KIAA0319: variants seen among roughly 807,000 people sequenced by gnomAD.
KIAA0319 encodes dyslexia-associated protein KIAA0319.
A neutral mutation model predicts 108.4 loss-of-function variants in KIAA0319; 83 were observed. That is an observed-to-expected ratio of 0.77 (90% confidence interval 0.64 to 0.92). The LOEUF is 0.92. Among genes scored for constraint, KIAA0319 ranks in the 40% least tolerant of loss-of-function variants. KIAA0319 has a pLI of 0.00. For synonymous variants in KIAA0319, 484 were observed against 510.4 expected, an observed-to-expected ratio of 0.95 and a Z score of 0.70; for missense variants, 1,195 against 1,322.4, an observed-to-expected ratio of 0.90 and a Z score of 1.49.
At chr6:24,587,549 G>A (rs958845994) in intron 4 of KIAA0319, among the ~76,000 whole-genome samples, 2 of 151,794 alleles carry the variant, frequency 1.3e-5, no homozygotes, top group East Asian at 3.9e-4. Context: ...CAAAGTGCTG[G>A]GATTACAGGC....
Position 24,566,634 on chromosome 6 carries a change from T to G in KIAA0319, c.2255A>C (p.Tyr752Ser), listed in dbSNP as rs773451159. 1 of 1,612,762 alleles carries G rather than the reference T, an allele frequency of 6.2e-7. No homozygotes were observed. The highest frequency in any genetic ancestry group is 1.7e-5 in the Admixed American group (1 of 59,786). The change falls in exon 14 of 21, where the codon TAT becomes TCT. Residue 752 changes from tyrosine (Y) to serine (S), a missense_variant. Physicochemically the swap from Tyr to Ser is moderately radical, Grantham distance 144 (BLOSUM62 -2). Coordinates refer to ENST00000378214, the MANE Select transcript of KIAA0319 (RefSeq NM_014809.4). ...ACTCTGGCCATCCCGGATCCACAGA[T>G]AGGACACAATTCTTTGGTCATCAGT... ...RSTDDQRIVS[Y>S]LWIRDGQSPA...
chr6:24,561,826 T>G (rs567224387), intron 16 of KIAA0319, among the ~76,000 whole-genome samples: 1 of 152,188 alleles, frequency 6.6e-6, no homozygotes, highest in South Asian at 2.1e-4. Context: ...CCTCAGCCTC[T>G]TGAGTAGCTG....
chr6:24,580,028 T>TA, intron 7 of KIAA0319, 78 bp from the exon 8 acceptor site: 1 of 1,120,486 alleles, frequency 8.9e-7, no homozygotes. Flanking sequence ...TCATCTACTT[T>TA]AAAAAATTGA....
At chr6:24,575,231 G>A (rs1209362987) in intron 10 of KIAA0319, among the ~76,000 whole-genome samples, 1 of 152,172 alleles carries the variant, frequency 6.6e-6, no homozygotes, top group Non-Finnish European at 1.5e-5. Context: ...TCTGGCAACT[G>A]GGCTGGTGTG....
chr6:24,582,500 A>T (rs547670618), intron 5 of KIAA0319, among the ~76,000 whole-genome samples, 154 bp from the exon 6 acceptor site: 9 of 148,812 alleles, frequency 6.0e-5, no homozygotes, highest in East Asian at 3.9e-4. Context: ...TTATATATAT[A>T]TTTTTTGTTT....
intron 7 of KIAA0319, among the ~76,000 whole-genome samples, chr6:24,580,611 G>A (rs2076315): frequency 0.012 from 1,864 of 152,302 alleles, 37 homozygotes; most frequent in African/African-American, 0.038. Context: ...TGCTTCGAAG[G>A]TGAAGCTGAA....
intron 2 of KIAA0319, chr6:24,598,877 T>TAA: frequency 1.3e-5 from 4 of 300,526 alleles, no homozygotes; most frequent in Admixed American, 4.1e-5. Flanking sequence ...AGACTGCATT[T>TAA]AAAAAAAAAA....
chr6:24,593,548 A>C (rs1768874414), intron 3 of KIAA0319, among the ~76,000 whole-genome samples: 1 of 151,696 alleles, frequency 6.6e-6, no homozygotes, highest in African/African-American at 2.4e-5. Flanking sequence ...CTACAGGCAC[A>C]TACCGCCACG....
Position 24,556,685 on chromosome 6 carries a change from T to C in KIAA0319, c.2779A>G (p.Thr927Ala). The change falls in exon 18 of 21, where the codon ACA becomes GCA. Residue 927 changes from threonine to alanine, a missense_variant. Transcript: ENST00000378214. ...AAGTGAGAGCAAATGCAGCGCTTTGTGAGGGGGTCGCAGTGACCATGGCCA... is the reference window on the plus strand; with the variant it reads ...AAGTGAGAGCAAATGCAGCGCTTTGCGAGGGGGTCGCAGTGACCATGGCCA... ...CSGHGHCDPL[T>A]KRCICSHLWM... is the part of the protein sequence containing the mutation. 1.2e-6 allele frequency: 2 copies of C among 1,613,956 alleles called. No homozygotes were observed. The highest frequency in any genetic ancestry group is 1.7e-6 in the Non-Finnish European group (2 of 1,179,974).
intron 9 of KIAA0319, among the ~76,000 whole-genome samples, chr6:24,576,911 C>A (rs1311571593): frequency 4.7e-5 from 7 of 148,802 alleles, no homozygotes; most frequent in African/African-American, 1.7e-4. Flanking sequence ...GGCAGCAGAG[C>A]AACAGACTGT....
intron 16 of KIAA0319, among the ~76,000 whole-genome samples, chr6:24,563,086 C>T (rs1019819405): frequency 1.3e-5 from 2 of 152,128 alleles, no homozygotes; most frequent in Non-Finnish European, 2.9e-5. Flanking sequence ...TCTGAAGACA[C>T]CAGAGCTAAC....
chr6:24,639,834 G>C (rs1289604508), intron 1 of KIAA0319, among the ~76,000 whole-genome samples: 1 of 132,582 alleles, frequency 7.5e-6, no homozygotes, highest in South Asian at 2.5e-4. Flanking sequence ...GTGACAGAGT[G>C]AGACTCCATC....
At position 24,583,686 on chromosome 6, in the gene KIAA0319, T is replaced by C. The variant is rs1296774297; in HGVS notation, c.1011A>G (p.Val337=). 6.2e-7 allele frequency: 1 copy of C among 1,611,284 alleles called. No homozygotes were observed. Among genetic ancestry groups the C allele is most frequent in the Non-Finnish European group, 8.5e-7 (1 of 1,177,592 alleles). The stretch of plus-strand genomic sequence containing the variant: ...TTATAATTAGGTTATCTCCAGCCGA[T>C]ACCGTAAGTTCTTTCACTAAAAGTT... ...TAPRTVKELT[V]SAGDNLIITL... Residue 337 remains valine, a synonymous_variant, in exon 5 of 21, where the codon GTA becomes GTG. Transcript: ENST00000378214.
chr6:24,605,594 T>G (rs1007846251), intron 1 of KIAA0319, among the ~76,000 whole-genome samples: 2 of 152,150 alleles, frequency 1.3e-5, no homozygotes, highest in African/African-American at 4.8e-5. Flanking sequence ...AGTGACAAAA[T>G]AGAACTTTTA....
chr6:24,600,945 A>G, intron 2 of KIAA0319, 104 bp downstream of exon 2: 1 of 1,465,570 alleles, frequency 6.8e-7, no homozygotes, highest in Non-Finnish European at 9.5e-7. Flanking sequence ...AATTCTATTG[A>G]AAAGCAAACC....
intron 6 of KIAA0319, among the ~76,000 whole-genome samples, chr6:24,582,003 G>A (rs993819923): frequency 7.9e-5 from 12 of 152,080 alleles, no homozygotes; most frequent in Non-Finnish European, 7.4e-5. Context: ...AAAATTAGCC[G>A]GGTGTGGTGA....
chr6:24,559,011 A>G lies in KIAA0319; in HGVS notation c.2734+2T>C, dbSNP rs1762712356. 2 of 1,609,048 alleles carry G rather than the reference A, an allele frequency of 1.2e-6. No homozygotes were observed. Among genetic ancestry groups the G allele is most frequent in the Non-Finnish European group, 1.7e-6 (2 of 1,177,956 alleles). The stretch of plus-strand genomic sequence containing the variant: ...TTTTAGAATATTCCATAGGAGACCT[A>G]CCTGCTGTATCAACCCTCAAGACCT... On this transcript the variant is annotated splice_donor_variant, in intron 17 of 20. Coordinates refer to ENST00000378214, the MANE Select transcript of KIAA0319 (RefSeq NM_014809.4). LOFTEE classifies it high-confidence loss of function.
chr6:24,629,446 C>T (rs1398194616), intron 1 of KIAA0319, among the ~76,000 whole-genome samples: 2 of 135,802 alleles, frequency 1.5e-5, no homozygotes, highest in Non-Finnish European at 3.0e-5. Context: ...ACCCGGGAAG[C>T]AGAGCTTGCA....
intron 2 of KIAA0319, chr6:24,600,824 A>G (rs1269828856): frequency 1.5e-5 from 11 of 757,182 alleles, no homozygotes; most frequent in Non-Finnish European, 2.3e-5. Context: ...TATATATGAA[A>G]TGTGATTTTA....
Sources: gnomAD v4.1 joint callset for allele counts (sites outside exome capture counted in the v4.1 genomes callset) on GRCh38, gnomAD v4.1.1 for gene constraint, MANE v1.5 for transcripts, NCBI Gene and HGNC (gene_info 2026-07-23, HGNC 2026-07-21) for gene names.